RADIL: variants seen among roughly 807,000 people sequenced by gnomAD.
The protein encoded by RADIL is ras-associating and dilute domain-containing protein.
RADIL carries 99 observed loss-of-function variants against 97.6 expected under a neutral mutation model. The observed-to-expected ratio is 1.01, with a 90% CI of 0.86 to 1.20. The LOEUF (loss-of-function observed/expected upper bound fraction) is 1.20. Among genes scored for constraint, RADIL ranks in the 50% most tolerant of loss-of-function variants. The pLI is 0.00. For missense variants in RADIL, 1,765 were observed against 1,498.9 expected (o/e 1.18, Z -2.93); for synonymous variants, 803 against 691.8 (o/e 1.16, Z -2.52).
intron 5 of RADIL, among the ~76,000 whole-genome samples, chr7:4,830,982 T>C (rs111245280): frequency 0.088 from 13,182 of 149,024 alleles, 1,962 homozygotes; most frequent in African/African-American, 0.31. Context: ...CACTGCGCCA[T>C]AGCACTCTAG....
chr7:4,819,936 A>G lies in RADIL; in HGVS notation c.1615+2458T>C, dbSNP rs1220164778. On this transcript the variant is annotated intron_variant, in intron 6 of 14. Coordinates refer to ENST00000399583, the MANE Select transcript of RADIL (RefSeq NM_018059.5). The surrounding 1 kb of genome is among the most constrained non-coding windows in gnomAD (Gnocchi z 5.8). ...GGCAGCAGCTCCAACAGCCCAGAGCAATTTTTCCCATGAAGAGCAGCCAGC... is the reference window on the plus strand; with the variant it reads ...GGCAGCAGCTCCAACAGCCCAGAGCGATTTTTCCCATGAAGAGCAGCCAGC... Among the ~76,000 whole-genome samples, 1 of 152,218 alleles carries G rather than the reference A, an allele frequency of 6.6e-6. No homozygotes were observed. The highest frequency in any genetic ancestry group is 1.5e-5 in the Non-Finnish European group (1 of 68,028).
rs1429681481 is a variant in RADIL, at chr7:4,880,652, C to T, written c.-64-2449G>A. Among the ~76,000 whole-genome samples, 2 of 152,224 alleles carry T rather than the reference C, an allele frequency of 1.3e-5. No individual in the cohort carries two copies. Among genetic ancestry groups the T allele is most frequent in the East Asian group, 1.9e-4 (1 of 5,188 alleles). ...ACCTTTTCATAGTGCTCATTTCCAA[C>T]GGGTTCCCCAGGGTGCAAAGGCAAA... On this transcript the variant is annotated intron_variant, in intron 1 of 14. Transcript: ENST00000399583. The surrounding 1 kb of genome is among the most constrained non-coding windows in gnomAD (Gnocchi z 4.5).
intron 2 of RADIL, among the ~76,000 whole-genome samples, chr7:4,856,608 T>C (rs1320850737): frequency 6.6e-6 from 1 of 152,256 alleles, no homozygotes; most frequent in Non-Finnish European, 1.5e-5. Context: ...TTGAGCTTTT[T>C]TGTGTCTTCT....
At chr7:4,860,312 T>G (rs762677744) in intron 2 of RADIL, 3 of 1,613,928 alleles carry the variant, frequency 1.9e-6, no homozygotes, top group African/African-American at 1.3e-5. Context: ...AAGCACATGA[T>G]GAGGCAGCAG....
intron 2 of RADIL, chr7:4,857,864 C>T (rs1027221610): frequency 3.9e-5 from 6 of 152,406 alleles, no homozygotes; most frequent in African/African-American, 9.7e-5. Context: ...CTAGGTACAT[C>T]ACATGAAAAA....
chr7:4,817,465 T>TG lies in RADIL; in HGVS notation c.1616-115dup, dbSNP rs3838692. ...GCGGGCACCACCCAACGCGCCCATCTGGGGTCCAGATGCGATAAACTGGCC... is the reference window on the plus strand; with the variant it reads ...GCGGGCACCACCCAACGCGCCCATCTGGGGGTCCAGATGCGATAAACTGGCC... On this transcript the variant is annotated intron_variant, in intron 6 of 14. Coordinates refer to ENST00000399583, the MANE Select transcript of RADIL (RefSeq NM_018059.5). The surrounding 1 kb of genome is among the most constrained non-coding windows in gnomAD (Gnocchi z 8.3). The TG allele has an allele frequency of 0.08, 69,362 of 861,718 alleles. 3,834 individuals carry two copies. Among genetic ancestry groups the TG allele is most frequent in the South Asian group, 0.2 (11,561 of 58,338 alleles). 53.4% of individuals were successfully genotyped at this position (861,718 alleles called of 1,614,324 possible). A position where few individuals can be genotyped will look rare whatever the true frequency, so the allele number is the denominator to read the frequency against.
chr7:4,805,713 T>C lies in RADIL; in HGVS notation c.2143A>G (p.Ser715Gly). The C allele has an allele frequency of 6.2e-7, 1 of 1,605,904 alleles. No homozygotes were observed. The highest frequency in any genetic ancestry group is 1.1e-5 in the South Asian group (1 of 90,946). Residue 715 changes from serine to glycine, a missense_variant, in exon 10 of 15, where the codon AGC becomes GGC. By Grantham distance (56) the Ser-to-Gly change is moderately conservative. Coordinates refer to ENST00000399583, the MANE Select transcript of RADIL (RefSeq NM_018059.5). ...AACGCAGCCCGCAGGGCTGTCCAGC[T>C]CATCTGGGTGACAAGAAGGAGCTCA... ...ATPRAQLIQM[S>G]WTALRAAFPA...
intron 2 of RADIL, chr7:4,861,855 C>CCTTCACGTCCCCCACCACCGCGAA: frequency 7.6e-7 from 1 of 1,310,812 alleles, no homozygotes; most frequent in Non-Finnish European, 1.0e-6. Flanking sequence ...ACCACCGCGA[C>CCTTCACGTCCCCCACCACCGCGAA]CTTCGCGGCC....
intron 2 of RADIL, among the ~76,000 whole-genome samples, chr7:4,852,997 C>A (rs549507177): frequency 6.6e-6 from 1 of 152,228 alleles, no homozygotes; most frequent in African/African-American, 2.4e-5. Context: ...ATGGATTATA[C>A]CCAGACGCCC....
At chr7:4,861,846 C>CCACCGCGACCTTCACGTCCCCCAT in intron 2 of RADIL, 1 of 1,395,100 alleles carries the variant, frequency 7.2e-7, no homozygotes, top group Non-Finnish European at 9.4e-7. Flanking sequence ...ACGTCCCCCA[C>CCACCGCGACCTTCACGTCCCCCAT]CACCGCGACC....
At chr7:4,833,295 C>T (rs1400698490) in intron 4 of RADIL, among the ~76,000 whole-genome samples, 4 of 152,162 alleles carry the variant, frequency 2.6e-5, no homozygotes, top group Admixed American at 2.0e-4. Flanking sequence ...AAGTGCCTGG[C>T]GCAGAGGAGA....
chr7:4,865,316 C>G (rs1487599392), intron 2 of RADIL: 2 of 500,016 alleles, frequency 4.0e-6, no homozygotes, highest in East Asian at 8.0e-5. Flanking sequence ...CAATGATGGC[C>G]CTGCAAGAAT....
chr7:4,799,181 T>C lies in RADIL; in HGVS notation c.*197A>G, dbSNP rs1279206094. 7 of 588,162 alleles carry C rather than the reference T, an allele frequency of 1.2e-5. No individual in the cohort carries two copies. The highest frequency in any genetic ancestry group is 2.1e-5 in the Non-Finnish European group (7 of 328,850). The allele number at this position is 588,162 out of a possible 1,614,324, so 36.4% of individuals were successfully genotyped here. ...AAACATAAAAGCTCTGTAACAAACATCACAATTTCACGTCATCTGCCATAT... is the reference window on the plus strand; with the variant it reads ...AAACATAAAAGCTCTGTAACAAACACCACAATTTCACGTCATCTGCCATAT... On this transcript the variant is annotated 3_prime_UTR_variant, in exon 15 of 15. Coordinates refer to ENST00000399583, the MANE Select transcript of RADIL (RefSeq NM_018059.5).
intron 12 of RADIL, among the ~76,000 whole-genome samples, chr7:4,801,167 GACACACCCATGCAGATGC>G (rs1712341549): frequency 6.6e-6 from 1 of 151,764 alleles, no homozygotes; most frequent in Non-Finnish European, 1.5e-5. Context: ...ACACCATGCA[GACACACCCATGCAGATGC>G]ACACACCCAT....
chr7:4,853,440 G>T (rs191661632), intron 2 of RADIL, among the ~76,000 whole-genome samples: 1 of 152,098 alleles, frequency 6.6e-6, no homozygotes, highest in Non-Finnish European at 1.5e-5. Context: ...TGCCACTGCT[G>T]ACTTTAAGAT....
chr7:4,805,774 A>G, intron 9 of RADIL, 58 bp from the exon 10 acceptor site: 2 of 1,557,206 alleles, frequency 1.3e-6, no homozygotes, highest in Non-Finnish European at 1.7e-6. Flanking sequence ...CCCAGCCCAA[A>G]GAGGGATGGC....
At chr7:4,874,426 G>A (rs995048246) in intron 2 of RADIL, among the ~76,000 whole-genome samples, 5 of 152,228 alleles carry the variant, frequency 3.3e-5, no homozygotes, top group African/African-American at 1.2e-4. Flanking sequence ...TAACCGTTCT[G>A]TAATGAGCAG....
chr7:4,865,392 T>C (rs2115038940), intron 2 of RADIL: 1 of 630,016 alleles, frequency 1.6e-6, no homozygotes, highest in East Asian at 2.7e-5. Flanking sequence ...CCAAGTTTTA[T>C]TCAAGAACTC....
intron 1 of RADIL, among the ~76,000 whole-genome samples, chr7:4,881,101 TAA>T (rs58900044): frequency 0.045 from 2,492 of 55,050 alleles, 128 homozygotes; most frequent in African/African-American, 0.052. Context: ...CCCTCTCTGT[TAA>T]AAAAAAAAAA....
Sources: gnomAD v4.1 joint callset for allele counts (sites outside exome capture counted in the v4.1 genomes callset) on GRCh38, gnomAD v4.1.1 for gene constraint, Gnocchi (gnomAD v3.1) non-coding constraint, MANE v1.5 for transcripts, NCBI Gene and HGNC (gene_info 2026-07-23, HGNC 2026-07-21) for gene names.